ALK: variants seen among roughly 807,000 people sequenced by gnomAD.
ALK encodes the protein ALK receptor tyrosine kinase, also known as ALK tyrosine kinase receptor.
In ALK, 74 loss-of-function variants were observed where a neutral mutation model predicts 163.1. The observed-to-expected ratio is 0.45, with a 90% CI of 0.38 to 0.55. The LOEUF is 0.55. Among genes scored for constraint, ALK ranks in the 20% least tolerant of loss-of-function variants. The pLI is 0.00. For missense variants in ALK, 2,063 were observed against 2,105.3 expected, an observed-to-expected ratio of 0.98 and a Z score of 0.39; for synonymous variants, 960 against 843.2, an observed-to-expected ratio of 1.14 and a Z score of -2.40.
At chr2:29,244,054 G>A (rs567024974) in intron 12 of ALK, among the ~76,000 whole-genome samples, 5 of 152,186 alleles carry the variant, frequency 3.3e-5, no homozygotes, top group African/African-American at 9.7e-5. Context: ...GCTGCCTGCC[G>A]GATCCTGAAA....
intron 1 of ALK, among the ~76,000 whole-genome samples, chr2:29,777,919 C>T (rs966698266): frequency 1.3e-5 from 2 of 152,222 alleles, no homozygotes; most frequent in African/African-American, 4.8e-5. Context: ...TTCCTGCAGG[C>T]CCTTGCTTTC....
rs985072939 is a variant in ALK, at chr2:29,893,393, C to T, written c.667+26600G>A. ...TATCATTTTATATGTTCACCAGCTC[C>T]CAATTCATTCCATTATTCTTTTCTT... On this transcript the variant is annotated intron_variant, in intron 1 of 28. Coordinates refer to ENST00000389048, the MANE Select transcript of ALK (RefSeq NM_004304.5). Among the ~76,000 whole-genome samples the T allele has an allele frequency of 2.6e-5, 4 of 152,118 alleles. No homozygotes were observed. The South Asian group carries it at 8.3e-4, about 32-fold the overall frequency.
At chr2:29,273,147 G>A (rs1488841614) in intron 11 of ALK, among the ~76,000 whole-genome samples, 8 of 152,180 alleles carry the variant, frequency 5.3e-5, no homozygotes, top group African/African-American at 9.7e-5. Flanking sequence ...CTGCTGCCTC[G>A]TAGGCCACTC....
chr2:29,269,805 C>T (rs1271016484), intron 11 of ALK, among the ~76,000 whole-genome samples: 6 of 152,184 alleles, frequency 3.9e-5, no homozygotes, highest in African/African-American at 4.8e-5. Context: ...GAACAGTCCC[C>T]CCCCAGCTGA....
At chr2:29,199,393 A>G (rs1669103875) in intron 26 of ALK, among the ~76,000 whole-genome samples, 1 of 152,098 alleles carries the variant, frequency 6.6e-6, no homozygotes, top group African/African-American at 2.4e-5. Flanking sequence ...TTAGATAAAT[A>G]TTTGCTATCT....
rs145194836 is a variant in ALK at position 29,222,378 on chromosome 2, C to T, written c.3481G>A (p.Glu1161Lys). Reference protein sequence around the residue: ...TLPEVCSEQDELDFLMEALII... With the variant: ...TLPEVCSEQDKLDFLMEALII... Reference sequence around the variant, plus strand: ...AGGGCTTCCATGAGGAAATCCAGTTCGTCCTGTTCAGAGCACACTTCAGGC... The same window carrying T: ...AGGGCTTCCATGAGGAAATCCAGTTTGTCCTGTTCAGAGCACACTTCAGGC... The change falls in exon 22 of 29, where the codon GAA becomes AAA. Residue 1161 changes from glutamate (E) to lysine (K), a missense_variant. Physicochemically the swap from Glu to Lys is moderately conservative, Grantham distance 56. Around this residue, in one of 5 missense-constraint regions of ALK, gnomAD observed 575 missense variants for 626.6 expected, o/e 0.92. Transcript: ENST00000389048. 2.4e-5 allele frequency: 38 copies of T among 1,613,832 alleles called. No individual in the cohort carries two copies. Among genetic ancestry groups the T allele is most frequent in the African/African-American group, 1.5e-4 (11 of 74,848 alleles).
chr2:29,513,612 C>G (rs1234131065), intron 4 of ALK, among the ~76,000 whole-genome samples: 3 of 151,916 alleles, frequency 2.0e-5, no homozygotes, highest in African/African-American at 2.4e-5. Context: ...GTCTAAAACA[C>G]CAAAAGCAAT....
intron 3 of ALK, among the ~76,000 whole-genome samples, chr2:29,626,744 T>A (rs1676205527): frequency 6.6e-6 from 1 of 152,148 alleles, no homozygotes; most frequent in African/African-American, 2.4e-5. Flanking sequence ...GATCTTGGAG[T>A]TCCCAGCTTC....
At position 29,794,169 on chromosome 2, in the gene ALK, T is replaced by C. The variant is rs188700849; in HGVS notation, c.668-76472A>G. On this transcript the variant is annotated intron_variant, in intron 1 of 28. Transcript: ENST00000389048. ...GCACTTGCTGCTTCACCTCGCACTT[T>C]CATGTTATAAAGATGGCTTTTTTCC... is the stretch of plus-strand genomic sequence containing the variant. Among the ~76,000 whole-genome samples, 70 of 152,324 alleles carry C rather than the reference T, an allele frequency of 4.6e-4. 1 individual carries two copies. The highest frequency in any genetic ancestry group is 1.6e-3 in the African/African-American group (67 of 41,588).
chr2:29,569,398 A>G (rs886487035), intron 3 of ALK, among the ~76,000 whole-genome samples: 1 of 152,146 alleles, frequency 6.6e-6, no homozygotes, highest in African/African-American at 2.4e-5. Context: ...TATCCCTAAT[A>G]ATGCATTACT....
intron 9 of ALK, chr2:29,286,849 G>A (rs4666191): frequency 0.78 from 118,094 of 151,970 alleles, 47,798 homozygotes; most frequent in Non-Finnish European, 0.87. Flanking sequence ...ATGAAGAAGA[G>A]ACATTCTCAA....
chr2:29,601,298 C>A (rs137891142), intron 3 of ALK, among the ~76,000 whole-genome samples: 2 of 152,332 alleles, frequency 1.3e-5, no homozygotes, highest in African/African-American at 4.8e-5. Flanking sequence ...GGCACGAGTT[C>A]TAGCTCCAGT....
intron 3 of ALK, among the ~76,000 whole-genome samples, chr2:29,639,217 A>C (rs1341952935): frequency 6.6e-6 from 1 of 152,076 alleles, no homozygotes; most frequent in Non-Finnish European, 1.5e-5. Flanking sequence ...GGTCGGCATC[A>C]CTCACACTTC....
intron 5 of ALK, among the ~76,000 whole-genome samples, chr2:29,336,336 C>A (rs1036210891): frequency 6.6e-6 from 1 of 152,198 alleles, no homozygotes; most frequent in Non-Finnish European, 1.5e-5. Context: ...GTTAATGACT[C>A]TCCCCTGAAG....
intron 4 of ALK, among the ~76,000 whole-genome samples, chr2:29,451,908 G>A (rs1036398368): frequency 3.3e-5 from 5 of 152,172 alleles, no homozygotes; most frequent in Non-Finnish European, 7.3e-5. Context: ...CTGTGTTGTC[G>A]AATAGGGCAG....
In ALK at chr2:29,413,400, G is replaced by A. The variant is rs141333705; in HGVS notation, c.1155-29541C>T. On this transcript the variant is annotated intron_variant, in intron 4 of 28. Transcript: ENST00000389048. ...CTCACTCTGTTGCCCAGGCTGAAGT[G>A]CAGTGGCACGATCTTGACTCACTGC... Among the ~76,000 whole-genome samples, 37 of 151,742 alleles carry A rather than the reference G, an allele frequency of 2.4e-4. No individual in the cohort carries two copies. The East Asian group carries it at 6.6e-3, about 27-fold the overall frequency.
intron 5 of ALK, among the ~76,000 whole-genome samples, chr2:29,344,342 C>A (rs1185580658): frequency 6.6e-6 from 1 of 152,184 alleles, no homozygotes; most frequent in African/African-American, 2.4e-5. Flanking sequence ...GGACTAACAG[C>A]ATATGATGGA....
At position 29,527,492 on chromosome 2, in the gene ALK, G is replaced by A. The variant is rs190539850; in HGVS notation, c.1154+4423C>T. On this transcript the variant is annotated intron_variant, in intron 4 of 28. Coordinates refer to ENST00000389048, the MANE Select transcript of ALK (RefSeq NM_004304.5). Reference sequence around the variant, plus strand: ...TGGAGATGAGTCCTGGCTTTGCCACGAGCAGGCAGTTTTGTTTCTTAGTTT... The same window carrying A: ...TGGAGATGAGTCCTGGCTTTGCCACAAGCAGGCAGTTTTGTTTCTTAGTTT... Among the ~76,000 whole-genome samples, 16 of 152,090 alleles carry A rather than the reference G, an allele frequency of 1.1e-4. No homozygotes were observed. In the South Asian group the frequency reaches 2.9e-3, roughly 28 times the overall value.
chr2:29,855,127 G>T (rs1184737191), intron 1 of ALK, among the ~76,000 whole-genome samples: 6 of 152,174 alleles, frequency 3.9e-5, no homozygotes. Flanking sequence ...CATGGACCTG[G>T]CATACAGAAG....
Sources: gnomAD v4.1 joint callset for allele counts (sites outside exome capture counted in the v4.1 genomes callset) on GRCh38, gnomAD v4.1.1 for gene constraint, gnomAD v4.1.1 regional missense constraint, MANE v1.5 for transcripts, NCBI Gene and HGNC (gene_info 2026-07-23, HGNC 2026-07-21) for gene names.